The following SEM1 variants were observed in gnomAD, a reference collection of about 807,000 sequenced individuals.
The protein encoded by SEM1 is SEM1 26S proteasome subunit, also known as 26S proteasome complex subunit SEM1.
Under a neutral mutation model 12.7 loss-of-function variants are expected in SEM1, and 3 were observed. That is an observed-to-expected ratio of 0.24 (90% CI 0.11 to 0.61). SEM1 has a LOEUF of 0.61. Among genes scored for constraint, SEM1 ranks in the 20% least tolerant of loss-of-function variants. The probability of loss-of-function intolerance (pLI) is 0.88; values close to 1 mark genes in which losing one functional copy is unlikely to be tolerated. For synonymous variants in SEM1, 30 were observed against 27.8 expected, an observed-to-expected ratio of 1.08 and a Z score of -0.25; for missense variants, 59 against 81.3, an observed-to-expected ratio of 0.73 and a Z score of 1.06.
chr7:96,503,994 C>A (rs1040537936), intron 3 of SEM1, among the ~76,000 whole-genome samples: 3 of 152,058 alleles, frequency 2.0e-5, no homozygotes, highest in African/African-American at 7.2e-5. Flanking sequence ...GGGTATAAAT[C>A]CTTTCTGTTT....
rs1173691984 is a variant in SEM1, at chr7:96,659,152, A to G, written c.170+35646T>C. Among the ~76,000 whole-genome samples the G allele has an allele frequency of 2.0e-5, 3 of 152,292 alleles. No individual in the cohort carries two copies. In the South Asian group the frequency reaches 6.2e-4, roughly 32 times the overall value. ...GAATTGAGAAAATATGAACTCACAA[A>G]CACAGGAAGCACATTAAAATAAAAA... On this transcript the variant is annotated intron_variant, in intron 2 of 2. Coordinates refer to the SEM1 transcript ENST00000417009.
chr7:96,552,929 A>C (rs1310690272), intron 2 of SEM1, among the ~76,000 whole-genome samples: 2 of 149,654 alleles, frequency 1.3e-5, no homozygotes, highest in Non-Finnish European at 3.0e-5. Context: ...TTTGATTTGC[A>C]TTTCTCTGAT....
At chr7:96,671,063 T>C (rs1789302786), downstream of SEM1, among the ~76,000 whole-genome samples, 1 of 152,194 alleles carries the variant, frequency 6.6e-6, no homozygotes, top group Non-Finnish European at 1.5e-5. Flanking sequence ...ATTTTGGGAA[T>C]AATAAACTGC....
chr7:96,700,771 CAA>C (rs1035641935), intron 1 of SEM1, among the ~76,000 whole-genome samples: 8 of 152,138 alleles, frequency 5.3e-5, no homozygotes, highest in African/African-American at 1.7e-4. Context: ...AATAGTTTTT[CAA>C]AGAGTTTTTC....
In SEM1 at chr7:96,709,699, A is replaced by T. The variant is rs1584880288; in HGVS notation, c.65T>A (p.Phe22Tyr). 6.2e-7 allele frequency: 1 copy of T among 1,613,304 alleles called. No individual in the cohort carries two copies. The highest frequency in any genetic ancestry group is 8.5e-7 in the Non-Finnish European group (1 of 1,179,674). Residue 22 changes from phenylalanine (F) to tyrosine (Y), a missense_variant, in exon 1 of 3, where the codon TTC becomes TAC. Physicochemically the swap from Phe to Tyr is conservative, Grantham distance 22. Coordinates refer to ENST00000248566, the MANE Select transcript of SEM1 (RefSeq NM_006304.2). ...GGCCCAGCGGTTACCTTCGGCAGGG[A>T]ACTCTTCAAACTCGTCGTCTTCCTC... ...LLEEDDEFEE[F>Y]PAEDWAGLDE...
Position 96,688,954 on chromosome 7 carries a change from C to T in SEM1, c.183G>A (p.Glu61=), listed in dbSNP as rs144707454. ...DFSNQLRAEL[E]KHGYKMETS is the part of the protein sequence containing the mutation. Reference sequence around the variant, plus strand: ...AAGTCTCCATCTTATAACCATGTTTCTCTAGTTCAGCTCTAAGATAAAACA... The same window carrying T: ...AAGTCTCCATCTTATAACCATGTTTTTCTAGTTCAGCTCTAAGATAAAACA... The change falls in exon 3 of 3, where the codon GAG becomes GAA. Residue 61 remains glutamate, a synonymous_variant. Coordinates refer to ENST00000248566, the MANE Select transcript of SEM1 (RefSeq NM_006304.2). 4.0e-4 allele frequency: 641 copies of T among 1,590,756 alleles called. 1 individual carries two copies. The highest frequency in any genetic ancestry group is 5.3e-4 in the Non-Finnish European group (611 of 1,160,134).
At chr7:96,488,786 C>A (rs187264097) in intron 1 of SEM1, among the ~76,000 whole-genome samples, 24 of 152,204 alleles carry the variant, frequency 1.6e-4, no homozygotes, top group Non-Finnish European at 1.3e-4. Context: ...TAGCTTGATT[C>A]TGGCAAAGAG....
downstream of SEM1, among the ~76,000 whole-genome samples, chr7:96,620,113 G>A (rs891246835): frequency 6.6e-5 from 10 of 151,878 alleles, no homozygotes; most frequent in East Asian, 1.9e-4. Flanking sequence ...CAGCCATGGC[G>A]GCCTGAACTT....
chr7:96,508,510 T>C (rs1383796263), intron 2 of SEM1, among the ~76,000 whole-genome samples: 8 of 152,118 alleles, frequency 5.3e-5, no homozygotes, highest in Non-Finnish European at 1.2e-4. Flanking sequence ...AAAACCCAGA[T>C]TTCCCAATTC....
chr7:96,519,520 T>C (rs950231585), intron 2 of SEM1, among the ~76,000 whole-genome samples: 2 of 151,928 alleles, frequency 1.3e-5, no homozygotes, highest in Non-Finnish European at 2.9e-5. Flanking sequence ...GGTTGAGATT[T>C]TTTAAATAGG....
intron 2 of SEM1, among the ~76,000 whole-genome samples, chr7:96,603,521 C>T (rs1472661913): frequency 1.3e-5 from 2 of 152,086 alleles, no homozygotes; most frequent in Non-Finnish European, 2.9e-5. Context: ...TCCCTACTCC[C>T]CACCCAACCT....
At chr7:96,592,123 G>T (rs542200633) in intron 2 of SEM1, among the ~76,000 whole-genome samples, 3 of 152,076 alleles carry the variant, frequency 2.0e-5, no homozygotes, top group East Asian at 3.9e-4. Context: ...TAAATTACAG[G>T]GGGGAGAAAG....
rs141451349 is a variant in SEM1, at chr7:96,627,383, T to G, written c.171-4740A>C. On this transcript the variant is annotated intron_variant, in intron 2 of 2. Coordinates refer to the SEM1 transcript ENST00000417009. ...GTTGTTTATTTGAAGTTTTTCTTCT[T>G]CTTTGATGCCAGCACGTATAGCTGT... Among the ~76,000 whole-genome samples the G allele has an allele frequency of 3.8e-3, 572 of 152,182 alleles. 21 individuals carry two copies. The East Asian group carries it at 0.097, about 26-fold the overall frequency.
intron 2 of SEM1, among the ~76,000 whole-genome samples, chr7:96,629,928 T>C (rs913059631): frequency 6.6e-6 from 1 of 152,224 alleles, no homozygotes; most frequent in Non-Finnish European, 1.5e-5. Flanking sequence ...TTAGAAGAAT[T>C]CTGTGGATTA....
At chr7:96,509,961 C>A (rs1265847163) in intron 2 of SEM1, among the ~76,000 whole-genome samples, 1 of 152,034 alleles carries the variant, frequency 6.6e-6, no homozygotes, top group Non-Finnish European at 1.5e-5. Context: ...TGAAAATGTT[C>A]TGGGGACGGA....
At chr7:96,483,825 T>C in exon 4 of SEM1, 1 of 1,536,318 alleles carries the variant, frequency 6.5e-7, no homozygotes, top group South Asian at 1.2e-5. Flanking sequence ...GGGCACCATA[T>C]GACCAGACTT....
chr7:96,507,675 T>G (rs1803800821), intron 2 of SEM1, among the ~76,000 whole-genome samples: 1 of 152,130 alleles, frequency 6.6e-6, no homozygotes, highest in Non-Finnish European at 1.5e-5. Flanking sequence ...TCATTCCCTA[T>G]TATCCTCTTC....
chr7:96,484,070 A>G (rs1345779690), intron 3 of SEM1: 5 of 1,271,890 alleles, frequency 3.9e-6, no homozygotes, highest in Non-Finnish European at 4.2e-6. Flanking sequence ...AATCTTCACA[A>G]CAACCCTATA....
At chr7:96,667,213 T>C (rs1455438241) in intron 2 of SEM1, among the ~76,000 whole-genome samples, 1 of 152,188 alleles carries the variant, frequency 6.6e-6, no homozygotes, top group Non-Finnish European at 1.5e-5. Context: ...CCTTAAAGTG[T>C]GTTTCCCTCA....
Sources: gnomAD v4.1 joint callset for allele counts (sites outside exome capture counted in the v4.1 genomes callset) on GRCh38, gnomAD v4.1.1 for gene constraint, MANE v1.5 for transcripts, NCBI Gene and HGNC (gene_info 2026-07-23, HGNC 2026-07-21) for gene names.